The following RABGAP1L variants were observed in gnomAD, a reference collection of about 807,000 sequenced individuals.
The protein encoded by RABGAP1L is rab GTPase-activating protein 1-like.
A neutral mutation model predicts 137.7 loss-of-function variants in RABGAP1L; 63 were observed. That is an observed-to-expected ratio of 0.46 (90% CI 0.37 to 0.56). The LOEUF is 0.56. Among genes scored for constraint, RABGAP1L ranks in the 20% least tolerant of loss-of-function variants. The pLI is 0.00. For missense variants in RABGAP1L, 1,095 were observed against 1,244.0 expected, an observed-to-expected ratio of 0.88 and a Z score of 1.80; for synonymous variants, 431 against 433.7, an observed-to-expected ratio of 0.99 and a Z score of 0.08.
chr1:174,864,592 C>T (rs2149032965), intron 19 of RABGAP1L, among the ~76,000 whole-genome samples: 1 of 152,320 alleles, frequency 6.6e-6, no homozygotes, highest in South Asian at 2.1e-4. Flanking sequence ...CACTCACTAT[C>T]ACAAGAACAG....
intron 17 of RABGAP1L, among the ~76,000 whole-genome samples, chr1:174,744,350 T>C (rs958453324): frequency 6.6e-6 from 1 of 152,222 alleles, no homozygotes; most frequent in East Asian, 1.9e-4. Context: ...TATTAACTTA[T>C]TTCTTTTTGC....
At chr1:174,872,418 C>T (rs1334899684) in intron 19 of RABGAP1L, among the ~76,000 whole-genome samples, 2 of 152,104 alleles carry the variant, frequency 1.3e-5, no homozygotes, top group Non-Finnish European at 2.9e-5. Flanking sequence ...TATGGTTTCT[C>T]ATTCATATTT....
intron 13 of RABGAP1L, among the ~76,000 whole-genome samples, chr1:174,550,999 CATATATAT>C (rs549477266): frequency 2.3e-5 from 2 of 86,372 alleles, no homozygotes; most frequent in Admixed American, 1.2e-4. Flanking sequence ...TATATATACA[CATATATAT>C]ATATATATAT....
chr1:174,238,063 C>G (rs1415730064), intron 4 of RABGAP1L, among the ~76,000 whole-genome samples: 1 of 152,054 alleles, frequency 6.6e-6, no homozygotes, highest in Non-Finnish European at 1.5e-5. Flanking sequence ...TTGATCGCAT[C>G]GGCTCCTGAG....
chr1:174,867,345 A>T (rs922408217), intron 19 of RABGAP1L, among the ~76,000 whole-genome samples: 1 of 151,910 alleles, frequency 6.6e-6, no homozygotes, highest in Non-Finnish European at 1.5e-5. Flanking sequence ...CGCGCCAAAA[A>T]AAAAAGATAG....
intron 19 of RABGAP1L, among the ~76,000 whole-genome samples, chr1:174,909,315 C>T (rs1264350543): frequency 6.6e-6 from 1 of 152,128 alleles, no homozygotes. Context: ...GCTCTACCTC[C>T]CAGGCTCAAG....
Position 174,242,677 on chromosome 1 carries a change from C to G in RABGAP1L, c.717+1020C>G, listed in dbSNP as rs568459398. Among the ~76,000 whole-genome samples the G allele has an allele frequency of 2.0e-5, 3 of 152,320 alleles. No individual in the cohort carries two copies. The South Asian group carries it at 6.2e-4, about 32-fold the overall frequency. Reference sequence around the variant, plus strand: ...TTACACTAAACTGAACATGCACAGACACATATAATTTAGATTGTAACTGTA... The same window carrying G: ...TTACACTAAACTGAACATGCACAGAGACATATAATTTAGATTGTAACTGTA... On this transcript the variant is annotated intron_variant, in intron 5 of 25. Coordinates refer to ENST00000681986, the MANE Select transcript of RABGAP1L (RefSeq NM_001366446.1).
intron 23 of RABGAP1L, among the ~76,000 whole-genome samples, chr1:174,980,111 G>A (rs1415740153): frequency 6.6e-6 from 1 of 152,060 alleles, no homozygotes; most frequent in Non-Finnish European, 1.5e-5. Context: ...AATATGCATT[G>A]TTGCTATACA....
chr1:174,159,689 GGGCGGCCC>G (rs1243775568), intron 1 of RABGAP1L, 32 bp downstream of exon 1: 1 of 152,402 alleles, frequency 6.6e-6, no homozygotes, highest in African/African-American at 2.4e-5. Flanking sequence ...AGGGACACGA[GGGCGGCCC>G]GGCGGCCCGG....
intron 1 of RABGAP1L, among the ~76,000 whole-genome samples, chr1:174,175,530 G>A (rs1665767312): frequency 6.8e-6 from 1 of 147,602 alleles, no homozygotes; most frequent in African/African-American, 2.5e-5. Flanking sequence ...TGCTATCTTG[G>A]CTCACTGTAA....
intron 11 of RABGAP1L, among the ~76,000 whole-genome samples, chr1:174,319,168 T>C (rs1679706579): frequency 6.6e-6 from 1 of 152,122 alleles, no homozygotes; most frequent in Non-Finnish European, 1.5e-5. Flanking sequence ...AAGAACTCTT[T>C]AGCATTTCTT....
At chr1:174,515,233 A>G (rs1662715167) in intron 13 of RABGAP1L, among the ~76,000 whole-genome samples, 1 of 152,194 alleles carries the variant, frequency 6.6e-6, no homozygotes, top group Non-Finnish European at 1.5e-5. Context: ...AAAATTGACA[A>G]ATATTAAGAA....
intron 13 of RABGAP1L, among the ~76,000 whole-genome samples, chr1:174,590,525 A>G (rs1336041941): frequency 1.0e-5 from 1 of 95,640 alleles, no homozygotes; most frequent in African/African-American, 4.3e-5. Context: ...CACAGTCCCC[A>G]GAGTGTGCTA....
chr1:174,483,580 T>C (rs1033687874), intron 13 of RABGAP1L, among the ~76,000 whole-genome samples: 2 of 152,106 alleles, frequency 1.3e-5, no homozygotes, highest in Non-Finnish European at 2.9e-5. Context: ...GCTATTTTAC[T>C]CCTGTAATCC....
At chr1:174,980,221 A>G (rs1210194965) in intron 23 of RABGAP1L, among the ~76,000 whole-genome samples, 1 of 152,188 alleles carries the variant, frequency 6.6e-6, no homozygotes, top group East Asian at 1.9e-4. Flanking sequence ...TACATTATGA[A>G]CATCTTTCCA....
intron 11 of RABGAP1L, among the ~76,000 whole-genome samples, chr1:174,322,288 A>T (rs200094160): frequency 7.6e-6 from 1 of 130,962 alleles, no homozygotes; most frequent in African/African-American, 2.7e-5. Context: ...TTTTTGGCTT[A>T]AAAAACAGAA....
At position 174,371,072 on chromosome 1, in the gene RABGAP1L, G is replaced by A. The variant is rs1685077291; in HGVS notation, c.1559G>A (p.Trp520Ter). 2 of 1,463,724 alleles carry A rather than the reference G, an allele frequency of 1.4e-6. No homozygotes were observed. The highest frequency in any genetic ancestry group is 2.7e-5 in the African/African-American group (2 of 73,116). The allele number at this position is 1,463,724 out of a possible 1,614,324, so 90.7% of individuals were successfully genotyped here. A position where few individuals can be genotyped will look rare whatever the true frequency, so the allele number is the denominator to read the frequency against. Residue 520 changes from tryptophan to a stop codon, truncating the protein, a stop_gained and splice_region_variant, in exon 12 of 26, where the codon TGG becomes TAG. Coordinates refer to ENST00000681986, the MANE Select transcript of RABGAP1L (RefSeq NM_001366446.1). LOFTEE classifies it high-confidence loss of function. Reference sequence around the variant, plus strand: ...TCTTGGGGAGAGTTGCTAGGAAAATGGTAAAATTTTATTTTTCATACTGAA... The same window carrying A: ...TCTTGGGGAGAGTTGCTAGGAAAATAGTAAAATTTTATTTTTCATACTGAA... Reference protein sequence around the residue: ...LYSWGELLGKWHSNLGARPKG... With the variant: ...LYSWGELLGK
intron 11 of RABGAP1L, among the ~76,000 whole-genome samples, chr1:174,324,277 G>C (rs748666652): frequency 3.9e-5 from 6 of 152,120 alleles, no homozygotes; most frequent in Non-Finnish European, 7.4e-5. Flanking sequence ...AGATATTCTG[G>C]AGATAAAATT....
At chr1:174,369,930 G>A (rs1684965317) in intron 11 of RABGAP1L, among the ~76,000 whole-genome samples, 1 of 152,194 alleles carries the variant, frequency 6.6e-6, no homozygotes, top group Admixed American at 6.5e-5. Context: ...TTTACTAAAT[G>A]TGTCATCAAA....
Sources: allele counts gnomAD v4.1 joint callset (sites outside exome capture counted in the v4.1 genomes callset), GRCh38; gene constraint gnomAD v4.1.1; transcripts MANE v1.5; gene names NCBI Gene and HGNC (gene_info 2026-07-23, HGNC 2026-07-21).